GNL2: variants seen among roughly 807,000 people sequenced by gnomAD.
The protein encoded by GNL2 is G protein nucleolar 2, also known as nucleolar GTP-binding protein 2.
GNL2 carries 51 observed loss-of-function variants against 92.3 expected under a neutral mutation model. The ratio of observed to expected loss-of-function variants is 0.55; its 90% CI spans 0.44 to 0.70. The LOEUF is 0.70. Ranked by LOEUF, GNL2 falls within the 30% of genes least tolerant of loss-of-function variation. The pLI is 0.00. For missense variants in GNL2, 844 were observed against 895.6 expected (o/e 0.94, Z 0.74); for synonymous variants, 283 against 300.6 (o/e 0.94, Z 0.61).
Position 37,568,983 on chromosome 1 carries a change from TC to T in GNL2, c.1735del (p.Glu579SerfsTer33). ...TTCCTCCTCAGGCTCCGAGGAAGAC[TC>T]TTCCGCATCATCTCTTTGTTGCTCC... ...EQEQQRDDAE[E>X]SSSEPEEENV... On this transcript the variant is annotated frameshift_variant, in exon 13 of 16. Transcript: ENST00000373062. LOFTEE classifies it high-confidence loss of function. The T allele has an allele frequency of 1.2e-6, 2 of 1,614,152 alleles. No individual in the cohort carries two copies. Among genetic ancestry groups the T allele is most frequent in the Non-Finnish European group, 1.7e-6 (2 of 1,179,978 alleles).
At chr1:37,571,931 C>T (rs1643600353) in intron 12 of GNL2, among the ~76,000 whole-genome samples, 1 of 152,096 alleles carries the variant, frequency 6.6e-6, no homozygotes, top group African/African-American at 2.4e-5. Flanking sequence ...CACCATGACA[C>T]CCTCTCCTGG....
chr1:37,582,874 A>G lies in GNL2; in HGVS notation c.699T>C (p.Arg233=). 1.2e-6 allele frequency: 2 copies of G among 1,611,470 alleles called. No individual in the cohort carries two copies. The highest frequency in any genetic ancestry group is 1.7e-6 in the Non-Finnish European group (2 of 1,177,552). ...TCAGGTAAGTTTCAATGTGAGGGGA[A>G]CGAGTACCCATTGGATCTCTAGCAT... ...VLDARDPMGT[R]SPHIETYLKK... is the part of the protein sequence containing the mutation. The change falls in exon 7 of 16, where the codon CGT becomes CGC. Residue 233 remains arginine (R), a synonymous_variant. Transcript: ENST00000373062.
In GNL2 at chr1:37,574,658, G is replaced by A. The variant is rs146116603; in HGVS notation, c.1302+7C>T. ...ATCAGTCTAAATTCTCACAAACGCCGGGTCACCTTTAGTAACTTCCCAGTC... is the reference window on the plus strand; with the variant it reads ...ATCAGTCTAAATTCTCACAAACGCCAGGTCACCTTTAGTAACTTCCCAGTC... On this transcript the variant is annotated splice_region_variant and intron_variant, in intron 11 of 15. Transcript: ENST00000373062. 2.8e-3 allele frequency: 4,588 copies of A among 1,612,582 alleles called. 10 individuals are homozygous for A. Among genetic ancestry groups the A allele is most frequent in the Non-Finnish European group, 3.3e-3 (3,937 of 1,179,062 alleles).
At chr1:37,567,901 C>G in intron 14 of GNL2, 137 bp from the exon 15 acceptor site, 1 of 670,352 alleles carries the variant, frequency 1.5e-6, no homozygotes, top group South Asian at 1.8e-5. Context: ...GTGAGTAAAG[C>G]AGGCCAAGGG....
At chr1:37,572,247 C>T (rs1305937182) in intron 12 of GNL2, among the ~76,000 whole-genome samples, 1 of 152,160 alleles carries the variant, frequency 6.6e-6, no homozygotes, top group East Asian at 1.9e-4. Context: ...ATATAAATGT[C>T]ACACTTCCTG....
rs1272358438 is a variant in GNL2 at position 37,575,494 on chromosome 1, C to A, written c.1143+101G>T. The A allele has an allele frequency of 4.8e-5, 31 of 643,052 alleles. No individual in the cohort carries two copies. The highest frequency in any genetic ancestry group is 1.8e-4 in the South Asian group (7 of 39,324). The allele number at this position is 643,052 out of a possible 1,614,324, so 39.8% of individuals were successfully genotyped here. ...CTAAAGTTTGGTCAGACAGGCTGAC[C>A]CCAAACTGCCTTCTTAATAAGTAAA... On this transcript the variant is annotated intron_variant, in intron 10 of 15. Coordinates refer to ENST00000373062, the MANE Select transcript of GNL2 (RefSeq NM_013285.3). This position sits in a 1 kb window ranked among gnomAD's most constrained non-coding sequence, Gnocchi z 4.1.
intron 5 of GNL2, among the ~76,000 whole-genome samples, chr1:37,586,091 G>A (rs540400673): frequency 3.3e-5 from 5 of 152,214 alleles, no homozygotes; most frequent in African/African-American, 1.2e-4. Context: ...CAGTATAAAT[G>A]TCCAACAATG....
intron 12 of GNL2, 146 bp from the exon 13 acceptor site, chr1:37,569,448 T>C (rs1468656584): frequency 3.3e-6 from 2 of 612,148 alleles, no homozygotes; most frequent in South Asian, 2.0e-5. Context: ...ATTTCATTAA[T>C]GTATTTTTAA....
rs1643668515 is a variant in GNL2 at position 37,575,769 on chromosome 1, G to T, written c.1039-70C>A. 2.2e-6 allele frequency: 2 copies of T among 927,800 alleles called. No individual in the cohort carries two copies. Among genetic ancestry groups the T allele is most frequent in the Non-Finnish European group, 3.3e-6 (2 of 597,790 alleles). The allele number at this position is 927,800 out of a possible 1,614,324, so 57.5% of individuals were successfully genotyped here. Reference sequence around the variant, plus strand: ...GAGTCTAATTTCACAAACCCCTGATGCTCATGTATGAAGCTGGAAAGGAGG... The same window carrying T: ...GAGTCTAATTTCACAAACCCCTGATTCTCATGTATGAAGCTGGAAAGGAGG... On this transcript the variant is annotated intron_variant, in intron 9 of 15. Coordinates refer to ENST00000373062, the MANE Select transcript of GNL2 (RefSeq NM_013285.3). This position sits in a 1 kb window ranked among gnomAD's most constrained non-coding sequence, Gnocchi z 4.1.
intron 8 of GNL2, among the ~76,000 whole-genome samples, chr1:37,578,352 T>C (rs113982854): frequency 4.4e-4 from 67 of 151,898 alleles, no homozygotes; most frequent in African/African-American, 1.5e-3. Flanking sequence ...AGCAGGAGAA[T>C]TGCTTGAACC....
chr1:37,588,470 T>C (rs1643869544), intron 4 of GNL2, among the ~76,000 whole-genome samples: 1 of 152,196 alleles, frequency 6.6e-6, no homozygotes, highest in African/African-American at 2.4e-5. Context: ...TTAGTTTTAG[T>C]CACTACGTTC....
In GNL2 at chr1:37,595,791, G is replaced by A. The variant is rs1225351405; in HGVS notation, c.32C>T (p.Thr11Ile). 25 of 1,614,060 alleles carry A rather than the reference G, an allele frequency of 1.5e-5. No homozygotes were observed. The highest frequency in any genetic ancestry group is 2.1e-5 in the Non-Finnish European group (25 of 1,180,030). ...TGTGCTGGCCTTGGACGGGTTGATG[G>A]TGCTCCGTCCTTTGTACTTGGGCTT... MVKPKYKGRS[T>I]INPSKASTNP... The change falls in exon 1 of 16, where the codon ACC (threonine) becomes ATC (isoleucine). Residue 11 changes from threonine (T) to isoleucine (I), a missense_variant. By Grantham distance (89) the Thr-to-Ile change is moderately conservative. Transcript: ENST00000373062.
At position 37,568,962 on chromosome 1, in the gene GNL2, T is replaced by A; in HGVS notation, c.1757A>T (p.Glu586Val). ...DAEESSSEPE[E>V]ENVGNDTKAV... Reference sequence around the variant, plus strand: ...TTTGGTGTCGTTTCCCACATTTTCCTCCTCAGGCTCCGAGGAAGACTCTTC... The same window carrying A: ...TTTGGTGTCGTTTCCCACATTTTCCACCTCAGGCTCCGAGGAAGACTCTTC... The change falls in exon 13 of 16, where the codon GAG becomes GTG. Residue 586 changes from glutamate (E) to valine (V), a missense_variant. Physicochemically the swap from Glu to Val is moderately radical, Grantham distance 121. Transcript: ENST00000373062. 6.2e-7 allele frequency: 1 copy of A among 1,614,142 alleles called. No homozygotes were observed.
rs894543627 is a variant in GNL2, at chr1:37,595,422, G to C, written c.64+337C>G. On this transcript the variant is annotated intron_variant, in intron 1 of 15. Transcript: ENST00000373062. The stretch of plus-strand genomic sequence containing the variant: ...TATGATCACGTGTAAAAGGCCCGAA[G>C]GGTCAACCTACACCATTTTTAATCT... Among the ~76,000 whole-genome samples, 4 of 152,268 alleles carry C rather than the reference G, an allele frequency of 2.6e-5. No homozygotes were observed. In the South Asian group the frequency reaches 8.3e-4, roughly 32 times the overall value.
Position 37,566,976 on chromosome 1 carries a change from T to C in GNL2, c.2075A>G (p.Lys692Arg), listed in dbSNP as rs1280265538. 6.2e-7 allele frequency: 1 copy of C among 1,614,114 alleles called. No individual in the cohort carries two copies. Among genetic ancestry groups the C allele is most frequent in the Admixed American group, 1.7e-5 (1 of 60,014 alleles). The change falls in exon 16 of 16, where the codon AAA becomes AGA. Residue 692 changes from lysine to arginine, a missense_variant. By Grantham distance (26) the Lys-to-Arg change is conservative. Transcript: ENST00000373062. ...RRRAVRQQRP[K>R]KVGVRYYETH... The stretch of plus-strand genomic sequence containing the variant: ...TTCATAGTAGCGCACACCAACTTTT[T>C]TCGGCCGTTGCTGTCGTACTGCTCG...
At chr1:37,576,370 A>G (rs1570055291) in intron 9 of GNL2, 58 bp downstream of exon 9, 1 of 1,511,072 alleles carries the variant, frequency 6.6e-7, no homozygotes, top group East Asian at 2.3e-5. Flanking sequence ...AGTCCTAAAC[A>G]ATCACTCTCT....
intron 8 of GNL2, among the ~76,000 whole-genome samples, chr1:37,578,486 C>T (rs1453512484): frequency 2.0e-5 from 3 of 150,794 alleles, no homozygotes; most frequent in Non-Finnish European, 4.4e-5. Flanking sequence ...ATTTAATCAC[C>T]TTACAATGAA....
intron 5 of GNL2, among the ~76,000 whole-genome samples, chr1:37,586,475 TCTCCTC>T (rs1231346335): frequency 6.6e-6 from 1 of 151,864 alleles, no homozygotes; most frequent in Admixed American, 6.6e-5. Context: ...AGATACTTCC[TCTCCTC>T]CTCCTCCTCC....
chr1:37,569,860 G>C (rs1643568601), intron 12 of GNL2: 1 of 152,604 alleles, frequency 6.6e-6, no homozygotes, highest in African/African-American at 2.4e-5. Context: ...TGAATTATGG[G>C]GGCAGGTCTT....
Sources: allele counts gnomAD v4.1 joint callset (sites outside exome capture counted in the v4.1 genomes callset), GRCh38; gene constraint gnomAD v4.1.1; non-coding constraint Gnocchi (gnomAD v3.1); transcripts MANE v1.5; gene names NCBI Gene and HGNC (gene_info 2026-07-23, HGNC 2026-07-21).